COL9A2: variants seen among roughly 807,000 people sequenced by gnomAD.
COL9A2 encodes the protein collagen type IX alpha 2 chain.
A neutral mutation model predicts 111.6 loss-of-function variants in COL9A2; 66 were observed. That is an observed-to-expected ratio of 0.59 (90% CI 0.48 to 0.73). COL9A2 has a LOEUF of 0.73. COL9A2 is among the 30% of genes least tolerant of loss of function. The probability of loss-of-function intolerance (pLI) is 0.00; values close to 1 mark genes in which losing one functional copy is unlikely to be tolerated. For synonymous variants in COL9A2, 353 were observed against 364.1 expected, an observed-to-expected ratio of 0.97 and a Z score of 0.35; for missense variants, 881 against 954.1, an observed-to-expected ratio of 0.92 and a Z score of 1.01.
At chr1:40,306,638 C>G (rs1187789041) in intron 19 of COL9A2, among the ~76,000 whole-genome samples, 1 of 151,942 alleles carries the variant, frequency 6.6e-6, no homozygotes, top group African/African-American at 2.4e-5. Context: ...CCAGCAAAGG[C>G]CTAAAGGTGT....
chr1:40,312,294 G>T lies in COL9A2; in HGVS notation c.363+162C>A. On this transcript the variant is annotated intron_variant, in intron 7 of 31. Coordinates refer to ENST00000372748, the MANE Select transcript of COL9A2 (RefSeq NM_001852.4). This position sits in a 1 kb window ranked among gnomAD's most constrained non-coding sequence, Gnocchi z 6.0. ...AGAGAATTGCAGAGCCAGTGGACAG[G>T]CCCAGAGTGGGCTGGCCCTGGGTCT... The T allele has an allele frequency of 1.8e-6, 2 of 1,102,016 alleles. No homozygotes were observed. Among genetic ancestry groups the T allele is most frequent in the Admixed American group, 2.0e-5 (1 of 49,588 alleles). The allele number at this position is 1,102,016 out of a possible 1,614,324, so 68.3% of individuals were successfully genotyped here. A position where few individuals can be genotyped will look rare whatever the true frequency, so the allele number is the denominator to read the frequency against.
In COL9A2 at chr1:40,304,781, G is replaced by A. The variant is rs1311336669; in HGVS notation, c.1161+13C>T. 1 of 1,549,588 alleles carries A rather than the reference G, an allele frequency of 6.5e-7. No individual in the cohort carries two copies. The highest frequency in any genetic ancestry group is 8.7e-7 in the Non-Finnish European group (1 of 1,145,906). ...GAGGCCCCCGGGGAGGGGCCATTGT[G>A]CCAGGCACTTACCTTCTGTCCCATG... On this transcript the variant is annotated intron_variant, in intron 22 of 31. Transcript: ENST00000372748.
rs573026800 is a variant in COL9A2 at position 40,312,162 on chromosome 1, C to T, written c.364-50G>A. On this transcript the variant is annotated intron_variant, in intron 7 of 31. Coordinates refer to ENST00000372748, the MANE Select transcript of COL9A2 (RefSeq NM_001852.4). This position sits in a 1 kb window ranked among gnomAD's most constrained non-coding sequence, Gnocchi z 6.0. ...AGGATGCCTCAGAGGGTCAGATACC[C>T]TGGGCACAAAGGTAGAGACAGGCAC... 1 of 1,524,356 alleles carries T rather than the reference C, an allele frequency of 6.6e-7. No individual in the cohort carries two copies. The highest frequency in any genetic ancestry group is 9.0e-7 in the Non-Finnish European group (1 of 1,113,448). 94.4% of individuals were successfully genotyped at this position (1,524,356 alleles called of 1,614,324 possible).
At position 40,303,331 on chromosome 1, in the gene COL9A2, C is replaced by A; in HGVS notation, c.1549-146G>T. The A allele has an allele frequency of 8.7e-7, 1 of 1,144,272 alleles. No homozygotes were observed. The highest frequency in any genetic ancestry group is 1.3e-6 in the Non-Finnish European group (1 of 786,540). 70.9% of individuals were successfully genotyped at this position (1,144,272 alleles called of 1,614,324 possible). ...AGCTGAGGAACAGATTGTACCTGGG[C>A]AGGGCCAAGGGCTTACTTGGGAAGG... On this transcript the variant is annotated intron_variant, in intron 28 of 31. Transcript: ENST00000372748. This position sits in a 1 kb window ranked among gnomAD's most constrained non-coding sequence, Gnocchi z 4.6.
chr1:40,311,522 A>G lies in COL9A2; in HGVS notation c.497T>C (p.Leu166Pro), dbSNP rs756743515. 2.1e-5 allele frequency: 33 copies of G among 1,601,162 alleles called. No individual in the cohort carries two copies. Among genetic ancestry groups the G allele is most frequent in the Middle Eastern group, 3.3e-4 (2 of 6,028 alleles). ...KPGRPGTIQG[L>P]EGSADFLCPT... ...CACCAGGAAATCCGCACTGCCTTCC[A>G]GACCCTGGATGGTTCCCGGGCGACC... is the stretch of plus-strand genomic sequence containing the variant. Residue 166 changes from leucine (L) to proline (P), a missense_variant, in exon 10 of 32, where the codon CTG becomes CCG. Transcript: ENST00000372748. This position sits in a 1 kb window ranked among gnomAD's most constrained non-coding sequence, Gnocchi z 5.1.
At position 40,307,314 on chromosome 1, in the gene COL9A2, C is replaced by T; in HGVS notation, c.1008+132G>A. The T allele has an allele frequency of 1.1e-6, 1 of 882,876 alleles. No homozygotes were observed. The allele number at this position is 882,876 out of a possible 1,614,324, so 54.7% of individuals were successfully genotyped here. Reference sequence around the variant, plus strand: ...AATTGTCCAAGTAATGAAGCCTTCGCCAGGCCAGGGGCCACAGAGTTGGTA... The same window carrying T: ...AATTGTCCAAGTAATGAAGCCTTCGTCAGGCCAGGGGCCACAGAGTTGGTA... On this transcript the variant is annotated intron_variant, in intron 19 of 31. Coordinates refer to ENST00000372748, the MANE Select transcript of COL9A2 (RefSeq NM_001852.4). This position sits in a 1 kb window ranked among gnomAD's most constrained non-coding sequence, Gnocchi z 4.8.
rs779059508 is a variant in COL9A2 at position 40,307,403 on chromosome 1, C to T, written c.1008+43G>A. Reference sequence around the variant, plus strand: ...GTGTGTGGATTCTAACCTCATCAGCCACTAGCCCCTGGCCAGCCCCTGTGG... The same window carrying T: ...GTGTGTGGATTCTAACCTCATCAGCTACTAGCCCCTGGCCAGCCCCTGTGG... On this transcript the variant is annotated intron_variant, in intron 19 of 31. Coordinates refer to ENST00000372748, the MANE Select transcript of COL9A2 (RefSeq NM_001852.4). The surrounding 1 kb of genome is among the most constrained non-coding windows in gnomAD (Gnocchi z 4.8). The T allele has an allele frequency of 8.3e-5, 132 of 1,595,592 alleles. No homozygotes were observed. The highest frequency in any genetic ancestry group is 9.9e-5 in the Non-Finnish European group (115 of 1,166,074).
chr1:40,303,017 G>A lies in COL9A2; in HGVS notation c.1603+114C>T. On this transcript the variant is annotated intron_variant, in intron 29 of 31. Transcript: ENST00000372748. This position sits in a 1 kb window ranked among gnomAD's most constrained non-coding sequence, Gnocchi z 4.6. ...AAACCCTTCAGAGACTGGACTGGAA[G>A]GAGCCCCCAGGACTCCAGATTTTCA... 8.2e-7 allele frequency: 1 copy of A among 1,213,818 alleles called. No homozygotes were observed. 75.2% of individuals were successfully genotyped at this position (1,213,818 alleles called of 1,614,324 possible).
At chr1:40,305,902 C>T in intron 20 of COL9A2, 134 bp from the exon 21 acceptor site, 2 of 853,774 alleles carry the variant, frequency 2.3e-6, no homozygotes, top group South Asian at 2.8e-5. Context: ...TTGGTTCAAT[C>T]CTCTTGGCTC....
Position 40,307,783 on chromosome 1 carries a change from AGT to A in COL9A2, c.901-29_901-28del. The A allele has an allele frequency of 1.2e-6, 2 of 1,613,232 alleles. No individual in the cohort carries two copies. Among genetic ancestry groups the A allele is most frequent in the Non-Finnish European group, 1.7e-6 (2 of 1,179,306 alleles). On this transcript the variant is annotated intron_variant, in intron 17 of 31. Transcript: ENST00000372748. The surrounding 1 kb of genome is among the most constrained non-coding windows in gnomAD (Gnocchi z 4.8). ...TACCCAGGAGGAAAGTTCAAGGGAG[AGT>A]GATAATGCGGAGATGTCTGGGGTCT...
In COL9A2 at chr1:40,312,870, G is replaced by T; in HGVS notation, c.250-86C>A. 1 of 1,233,958 alleles carries T rather than the reference G, an allele frequency of 8.1e-7. No homozygotes were observed. Among genetic ancestry groups the T allele is most frequent in the Non-Finnish European group, 1.2e-6 (1 of 861,072 alleles). The allele number at this position is 1,233,958 out of a possible 1,614,324, so 76.4% of individuals were successfully genotyped here. ...AGGGCAGGTTCAAGGGTCCCTCCTG[G>T]GTGGGCCGAGGCTCCTTTTTGCCAC... On this transcript the variant is annotated intron_variant, in intron 4 of 31. Coordinates refer to ENST00000372748, the MANE Select transcript of COL9A2 (RefSeq NM_001852.4). This position sits in a 1 kb window ranked among gnomAD's most constrained non-coding sequence, Gnocchi z 6.0.
chr1:40,308,851 C>T (rs1282461309), intron 16 of COL9A2, among the ~76,000 whole-genome samples: 1 of 152,152 alleles, frequency 6.6e-6, no homozygotes, highest in East Asian at 1.9e-4. Context: ...GGACACAAGA[C>T]TGACAAAATG....
Position 40,317,050 on chromosome 1 carries a change from G to A in COL9A2, c.75+73C>T, listed in dbSNP as rs2124112180. ...GGGGTGTCAGTAGGCGCGGGACACA[G>A]GCAGAGCTCCTCCATCCCGGACTCC... On this transcript the variant is annotated intron_variant, in intron 1 of 31. Transcript: ENST00000372748. This position sits in a 1 kb window ranked among gnomAD's most constrained non-coding sequence, Gnocchi z 4.3. The A allele has an allele frequency of 2.8e-6, 4 of 1,447,842 alleles. No individual in the cohort carries two copies. The highest frequency in any genetic ancestry group is 2.5e-5 in the East Asian group (1 of 40,424). The allele number at this position is 1,447,842 out of a possible 1,614,324, so 89.7% of individuals were successfully genotyped here. A position where few individuals can be genotyped will look rare whatever the true frequency, so the allele number is the denominator to read the frequency against.
rs191782794 is a variant in COL9A2 at position 40,313,951 on chromosome 1, G to A, written c.249+254C>T. 1.9e-3 allele frequency among the ~76,000 whole-genome samples: 293 copies of A among 152,248 alleles called. 1 individual carries two copies. Among genetic ancestry groups the A allele is most frequent in the Non-Finnish European group, 3.7e-3 (249 of 68,010 alleles). On this transcript the variant is annotated intron_variant, in intron 4 of 31. Transcript: ENST00000372748. ...TGAGACTAAGTCCTGACTGCTGAGG[G>A]GTAGCAGGAGGAACCTGCACCTCCC... is the stretch of plus-strand genomic sequence containing the variant.
intron 31 of COL9A2, 67 bp from the exon 32 acceptor site, chr1:40,301,448 G>A: frequency 6.9e-7 from 1 of 1,439,870 alleles, no homozygotes; most frequent in Non-Finnish European, 9.4e-7. Flanking sequence ...TTTGAAGGTG[G>A]GGAAACTTTT....
Position 40,311,641 on chromosome 1 carries a change from C to T in COL9A2, c.471+21G>A, listed in dbSNP as rs770075941. ...CTCCTTCCCCTGCACTTTGCCATGT[C>T]GGGGGTCTGGGGACACTTACAGGTT... is the stretch of plus-strand genomic sequence containing the variant. On this transcript the variant is annotated intron_variant, in intron 9 of 31. Transcript: ENST00000372748. The surrounding 1 kb of genome is among the most constrained non-coding windows in gnomAD (Gnocchi z 5.1). 5.0e-6 allele frequency: 8 copies of T among 1,613,918 alleles called. No individual in the cohort carries two copies. The highest frequency in any genetic ancestry group is 1.1e-5 in the South Asian group (1 of 91,076).
rs570851579 is a variant in COL9A2, at chr1:40,311,907, C to T, written c.417+152G>A. ...GCGGCGTCCCTAAAAGACCTAGTGC[C>T]GGGTGGGCTCATAGGAGGGGTTTCT... is the stretch of plus-strand genomic sequence containing the variant. On this transcript the variant is annotated intron_variant, in intron 8 of 31. Transcript: ENST00000372748. This position sits in a 1 kb window ranked among gnomAD's most constrained non-coding sequence, Gnocchi z 5.1. The T allele has an allele frequency of 3.6e-5, 36 of 991,672 alleles. No individual in the cohort carries two copies. In the Middle Eastern group the frequency reaches 1.2e-3, roughly 33 times the overall value. 61.4% of individuals were successfully genotyped at this position (991,672 alleles called of 1,614,324 possible).
In COL9A2 at chr1:40,315,679, C is replaced by G; in HGVS notation, c.76-15G>C. ...GGTGGACCTCTCTGAAAAACACACA[C>G]GGGGTGGGGCAGTCCTCAGACAGTG... is the stretch of plus-strand genomic sequence containing the variant. On this transcript the variant is annotated splice_polypyrimidine_tract_variant and intron_variant, in intron 1 of 31. Transcript: ENST00000372748. The G allele has an allele frequency of 1.9e-6, 3 of 1,546,568 alleles. No homozygotes were observed. Among genetic ancestry groups the G allele is most frequent in the East Asian group, 2.4e-5 (1 of 41,466 alleles).
In COL9A2 at chr1:40,302,878, G is replaced by A; in HGVS notation, c.1604-69C>T. ...GGGTGTCAGCAGTAACACTAGGGGA[G>A]GCAGAGCATTCCGATGGGCCCTGGC... On this transcript the variant is annotated intron_variant, in intron 29 of 31. Transcript: ENST00000372748. The surrounding 1 kb of genome is among the most constrained non-coding windows in gnomAD (Gnocchi z 4.5). The A allele has an allele frequency of 1.4e-6, 2 of 1,454,052 alleles. No individual in the cohort carries two copies. Among genetic ancestry groups the A allele is most frequent in the Non-Finnish European group, 9.4e-7 (1 of 1,068,464 alleles). 90.1% of individuals were successfully genotyped at this position (1,454,052 alleles called of 1,614,324 possible). A position where few individuals can be genotyped will look rare whatever the true frequency, so the allele number is the denominator to read the frequency against.
Sources: gnomAD v4.1 joint callset for allele counts (sites outside exome capture counted in the v4.1 genomes callset) on GRCh38, gnomAD v4.1.1 for gene constraint, Gnocchi (gnomAD v3.1) non-coding constraint, MANE v1.5 for transcripts, NCBI Gene and HGNC (gene_info 2026-07-23, HGNC 2026-07-21) for gene names.